GRID1: variants seen among roughly 807,000 people sequenced by gnomAD.
GRID1 encodes the protein glutamate receptor ionotropic, delta-1.
GRID1 carries 28 observed loss-of-function variants against 98.0 expected under a neutral mutation model. The observed-to-expected ratio is 0.29, with a 90% CI of 0.21 to 0.39. GRID1 has a LOEUF of 0.39. Ranked by LOEUF, GRID1 falls within the 10% of genes least tolerant of loss-of-function variation. The pLI, the probability that GRID1 is intolerant of heterozygous loss-of-function variation, is 1.00. For missense variants in GRID1, 1,111 were observed against 1,340.5 expected (o/e 0.83, Z 2.67); for synonymous variants, 553 against 538.5 (o/e 1.03, Z -0.37).
chr10:85,727,483 G>C (rs1408388872), intron 10 of GRID1, among the ~76,000 whole-genome samples: 1 of 152,140 alleles, frequency 6.6e-6, no homozygotes, highest in African/African-American at 2.4e-5. Flanking sequence ...TATCTAACCT[G>C]TGGTCTATAA....
intron 2 of GRID1, among the ~76,000 whole-genome samples, chr10:86,304,366 G>A (rs1343396151): frequency 1.3e-5 from 2 of 152,216 alleles, no homozygotes; most frequent in South Asian, 4.1e-4. Flanking sequence ...TGCTCCACAT[G>A]TCCCACCCTC....
chr10:85,948,021 T>C (rs1842074857), intron 4 of GRID1, among the ~76,000 whole-genome samples: 1 of 152,202 alleles, frequency 6.6e-6, no homozygotes, highest in African/African-American at 2.4e-5. Context: ...AAAGAAGTTG[T>C]CCTAAAAGCA....
intron 4 of GRID1, among the ~76,000 whole-genome samples, chr10:86,056,082 C>A (rs1395489124): frequency 6.6e-6 from 1 of 152,216 alleles, no homozygotes; most frequent in Non-Finnish European, 1.5e-5. Context: ...TTCACAGCTT[C>A]CTGCCCAGCC....
At position 86,365,326 on chromosome 10, in the gene GRID1, A is replaced by C. The variant is rs1589464650; in HGVS notation, c.79+988T>G. ...TTCCCTGTGCTCGCTGGTCTTTCCC[A>C]ACTTCCGGAAAGACGACTGCGGAGG... On this transcript the variant is annotated intron_variant, in intron 1 of 15. Transcript: ENST00000327946. This position sits in a 1 kb window ranked among gnomAD's most constrained non-coding sequence, Gnocchi z 4.8. 8.4e-6 allele frequency among the ~76,000 whole-genome samples: 1 copy of C among 119,300 alleles called. No individual in the cohort carries two copies. Among genetic ancestry groups the C allele is most frequent in the Admixed American group, 1.1e-4 (1 of 9,254 alleles). 78.3% of individuals were successfully genotyped at this position (119,300 alleles called of 152,430 possible).
intron 4 of GRID1, among the ~76,000 whole-genome samples, chr10:86,037,427 C>A (rs1376939516): frequency 4.6e-5 from 7 of 152,220 alleles, no homozygotes; most frequent in Non-Finnish European, 7.3e-5. Flanking sequence ...TAATACCCAC[C>A]TTGCAGAGTT....
chr10:85,695,330 G>T (rs1325298624), intron 12 of GRID1, among the ~76,000 whole-genome samples: 1 of 152,164 alleles, frequency 6.6e-6, no homozygotes, highest in Non-Finnish European at 1.5e-5. Flanking sequence ...TGAGAGAAGT[G>T]GGTATGCACC....
rs569311137 is a variant in GRID1, at chr10:86,351,983, C to G, written c.235+11958G>C. Among the ~76,000 whole-genome samples, 32 of 152,284 alleles carry G rather than the reference C, an allele frequency of 2.1e-4. No individual in the cohort carries two copies. In the East Asian group the frequency reaches 5.6e-3, roughly 27 times the overall value. ...AATTACGTCCCTTGTTTAGGTACAC[C>G]AGGGACCCTGTGTGTAAAGAGGGGC... On this transcript the variant is annotated intron_variant, in intron 2 of 15. Transcript: ENST00000327946.
At chr10:86,140,573 G>GGAGAA (rs1414534564) in intron 3 of GRID1, among the ~76,000 whole-genome samples, 1 of 152,204 alleles carries the variant, frequency 6.6e-6, no homozygotes, top group Non-Finnish European at 1.5e-5. Flanking sequence ...GCAGCGCGAG[G>GGAGAA]GAGAAGAGCA....
chr10:85,954,535 A>G (rs568565754), intron 4 of GRID1, among the ~76,000 whole-genome samples: 1 of 152,360 alleles, frequency 6.6e-6, no homozygotes, highest in South Asian at 2.1e-4. Flanking sequence ...TTTCTTTATT[A>G]TAAAAGGAAT....
chr10:85,615,152 G>A (rs1309210643), intron 14 of GRID1, among the ~76,000 whole-genome samples: 1 of 152,184 alleles, frequency 6.6e-6, no homozygotes, highest in Admixed American at 6.5e-5. Flanking sequence ...ACATGGGCTT[G>A]TGTCTGGTGG....
chr10:85,988,546 G>T (rs879448625), intron 4 of GRID1, among the ~76,000 whole-genome samples: 20 of 152,156 alleles, frequency 1.3e-4, no homozygotes, highest in Admixed American at 1.2e-3. Context: ...GGCCTAGGGG[G>T]ACTAGGGAAT....
intron 12 of GRID1, among the ~76,000 whole-genome samples, chr10:85,716,685 T>C (rs1439888725): frequency 2.0e-5 from 3 of 148,372 alleles, no homozygotes; most frequent in East Asian, 3.9e-4. Flanking sequence ...TATTTGTATA[T>C]ATTATATATA....
At chr10:86,116,380 T>C (rs1589376755) in intron 4 of GRID1, among the ~76,000 whole-genome samples, 2 of 152,116 alleles carry the variant, frequency 1.3e-5, no homozygotes, top group East Asian at 3.9e-4. Flanking sequence ...AGGCACATAC[T>C]CAAACAGCAA....
chr10:85,983,526 T>A (rs1286614673), intron 4 of GRID1, among the ~76,000 whole-genome samples: 2 of 152,190 alleles, frequency 1.3e-5, no homozygotes, highest in Non-Finnish European at 2.9e-5. Context: ...GAAATGATTA[T>A]CACATCTTAA....
At chr10:86,167,196 A>G (rs774249960) in intron 3 of GRID1, among the ~76,000 whole-genome samples, 5 of 152,226 alleles carry the variant, frequency 3.3e-5, no homozygotes, top group Non-Finnish European at 7.3e-5. Flanking sequence ...AGCTTCCAAT[A>G]AAGCAGGACA....
At chr10:86,270,676 C>T (rs1309282539) in intron 2 of GRID1, among the ~76,000 whole-genome samples, 1 of 151,952 alleles carries the variant, frequency 6.6e-6, no homozygotes, top group East Asian at 1.9e-4. Context: ...GGCAATAGAG[C>T]GAGACTCCGT....
intron 8 of GRID1, among the ~76,000 whole-genome samples, chr10:85,852,808 A>C (rs1214744189): frequency 6.6e-6 from 1 of 152,006 alleles, no homozygotes; most frequent in Non-Finnish European, 1.5e-5. Context: ...GGCATTCCTA[A>C]CAGACATCAT....
intron 8 of GRID1, among the ~76,000 whole-genome samples, chr10:85,772,000 C>A (rs960185828): frequency 6.6e-6 from 1 of 152,118 alleles, no homozygotes; most frequent in Non-Finnish European, 1.5e-5. Flanking sequence ...ACTCTCCACC[C>A]CAAATCAACA....
chr10:86,007,463 G>A (rs559812721), intron 4 of GRID1, among the ~76,000 whole-genome samples: 3 of 152,336 alleles, frequency 2.0e-5, no homozygotes, highest in African/African-American at 7.2e-5. Context: ...CTCTGCAGGA[G>A]AATGGATGGG....
Sources: gnomAD v4.1 joint callset for allele counts (sites outside exome capture counted in the v4.1 genomes callset) on GRCh38, gnomAD v4.1.1 for gene constraint, Gnocchi (gnomAD v3.1) non-coding constraint, MANE v1.5 for transcripts, NCBI Gene and HGNC (gene_info 2026-07-23, HGNC 2026-07-21) for gene names.